Variants in FGF8 observed in about 807,000 individuals in gnomAD.
The protein encoded by FGF8 is androgen-induced growth factor.
FGF8 carries 12 observed loss-of-function variants against 29.7 expected under a neutral mutation model. That is an observed-to-expected ratio of 0.40 (90% CI 0.26 to 0.65). FGF8 has a LOEUF of 0.65. FGF8 is among the 30% of genes least tolerant of loss of function. The pLI is 0.37. For missense variants in FGF8, 271 were observed against 345.1 expected, an observed-to-expected ratio of 0.79 and a Z score of 1.70; for synonymous variants, 157 against 144.4, an observed-to-expected ratio of 1.09 and a Z score of -0.63.
upstream of FGF8, among the ~76,000 whole-genome samples, chr10:101,779,840 C>T (rs1042389074): frequency 1.3e-5 from 2 of 152,236 alleles, no homozygotes; most frequent in Non-Finnish European, 1.5e-5. This position sits in a 1 kb window ranked among gnomAD's most constrained non-coding sequence, Gnocchi z 5.7. Flanking sequence ...GTGAGGGCCA[C>T]AGCCAGACTT....
At chr10:101,778,776 C>G (rs1229945414), upstream of FGF8, among the ~76,000 whole-genome samples, 1 of 152,236 alleles carries the variant, frequency 6.6e-6, no homozygotes, top group East Asian at 1.9e-4. Context: ...ATGCAAATGT[C>G]CCGCCGGGCC....
rs774080225 is a variant in FGF8, at chr10:101,770,505, G to A, written c.559C>T (p.Arg187Trp). The change falls in exon 6 of 6, where the codon CGG becomes TGG. Residue 187 changes from arginine to tryptophan, a missense_variant. Physicochemically the swap from Arg to Trp is moderately radical, Grantham distance 101. Coordinates refer to ENST00000320185, the MANE Select transcript of FGF8 (RefSeq NM_033163.5). ...GWYMAFTRKG[R>W]PRKGSKTRQH... ...CGCGTCTTGGAGCCCTTGCGGGGCC[G>A]GCCCTTGCGGGTGAAGGCCATGTAC... 13 of 1,613,484 alleles carry A rather than the reference G, an allele frequency of 8.1e-6. No individual in the cohort carries two copies. Among genetic ancestry groups the A allele is most frequent in the African/African-American group, 1.3e-5 (1 of 74,938 alleles).
chr10:101,776,385 G>T (rs1474504531), upstream of FGF8, among the ~76,000 whole-genome samples: 1 of 150,952 alleles, frequency 6.6e-6, no homozygotes, highest in African/African-American at 2.4e-5. Flanking sequence ...AGGGGCGGGG[G>T]CGGCCGGTCT....
At chr10:101,776,215 C>G (rs1168181338), upstream of FGF8, 2 of 42,344 alleles carry the variant, frequency 4.7e-5, no homozygotes, top group Non-Finnish European at 4.4e-5. Flanking sequence ...GCACCGGGCG[C>G]GAGGGGGGAG....
Position 101,770,245 on chromosome 10 carries a change from C to A in FGF8, c.*84G>T, listed in dbSNP as rs2134987443. The A allele has an allele frequency of 7.3e-7, 1 of 1,362,040 alleles. No homozygotes were observed. 84.4% of individuals were successfully genotyped at this position (1,362,040 alleles called of 1,614,324 possible). A position where few individuals can be genotyped will look rare whatever the true frequency, so the allele number is the denominator to read the frequency against. On this transcript the variant is annotated 3_prime_UTR_variant, in exon 6 of 6. Transcript: ENST00000320185. ...CACCTCCCCAGCCTGCAGAGCAGCGCACAGCTCATCTTGCTTGAGTTTTGG... is the reference window on the plus strand; with the variant it reads ...CACCTCCCCAGCCTGCAGAGCAGCGAACAGCTCATCTTGCTTGAGTTTTGG...
In FGF8 at chr10:101,775,165, G is replaced by A; in HGVS notation, c.121C>T (p.Arg41Trp). The A allele has an allele frequency of 5.2e-6, 8 of 1,547,470 alleles. No individual in the cohort carries two copies. Among genetic ancestry groups the A allele is most frequent in the Non-Finnish European group, 7.0e-6 (8 of 1,146,088 alleles). Reference protein sequence around the residue: ...ALGRELASLFRAGREPQGVSQ... With the variant: ...ALGRELASLFWAGREPQGVSQ... ...ACACCCTGGGGCTCCCGGCCAGCCC[G>A]GAACAGGGAAGCGAGCTCCCTGCCC... The change falls in exon 3 of 6, where the codon CGG becomes TGG. Residue 41 changes from arginine to tryptophan, a missense_variant. Arg to Trp is a moderately radical substitution (Grantham distance 101). Around this residue, in one of 3 missense-constraint regions of FGF8, gnomAD observed 168 missense variants for 207.0 expected, o/e 0.81. Coordinates refer to ENST00000320185, the MANE Select transcript of FGF8 (RefSeq NM_033163.5). This position sits in a 1 kb window ranked among gnomAD's most constrained non-coding sequence, Gnocchi z 4.6.
In FGF8 at chr10:101,775,392, ACCCGGCTTCC is replaced by A; in HGVS notation, c.70-186_70-177del. The A allele has an allele frequency of 1.6e-6, 1 of 607,668 alleles. No homozygotes were observed. Among genetic ancestry groups the A allele is most frequent in the Admixed American group, 2.8e-5 (1 of 35,366 alleles). 37.6% of individuals were successfully genotyped at this position (607,668 alleles called of 1,614,324 possible). A position where few individuals can be genotyped will look rare whatever the true frequency, so the allele number is the denominator to read the frequency against. ...CGCTGAGAGGGTCTCTGCTGCAGTCACCCGGCTTCCCCTGGCATCGAACATCCATCCCCTG... is the reference window on the plus strand; with the variant it reads ...CGCTGAGAGGGTCTCTGCTGCAGTCACCTGGCATCGAACATCCATCCCCTG... On this transcript the variant is annotated intron_variant, in intron 2 of 5. Transcript: ENST00000320185. The surrounding 1 kb of genome is among the most constrained non-coding windows in gnomAD (Gnocchi z 4.6).
upstream of FGF8, among the ~76,000 whole-genome samples, chr10:101,778,539 G>T (rs2065115229): frequency 6.6e-6 from 1 of 152,216 alleles, no homozygotes; most frequent in East Asian, 1.9e-4. Flanking sequence ...GGATCTGAAG[G>T]GTCCGAGGTC....
chr10:101,777,021 C>G (rs1564633741), upstream of FGF8, among the ~76,000 whole-genome samples: 2 of 152,208 alleles, frequency 1.3e-5, no homozygotes, highest in African/African-American at 4.8e-5. Flanking sequence ...GTAGCTTTTA[C>G]TGGGGGAAGG....
rs11322844 is a variant in FGF8, at chr10:101,770,141, TAAAAAAAAAA to T, written c.*178_*187del. The T allele has an allele frequency of 2.0e-5, 8 of 392,436 alleles. No homozygotes were observed. Among genetic ancestry groups the T allele is most frequent in the Admixed American group, 4.6e-5 (1 of 21,812 alleles). The allele number at this position is 392,436 out of a possible 1,614,324, so 24.3% of individuals were successfully genotyped here. On this transcript the variant is annotated 3_prime_UTR_variant, in exon 6 of 6. Coordinates refer to ENST00000320185, the MANE Select transcript of FGF8 (RefSeq NM_033163.5). ...CAAAAATAGAGCCTCTCTTTTGTTT[TAAAAAAAAAA>T]AAAAAAAAAAAAACAGCAAAAACCC...
intron 5 of FGF8, 34 bp from the exon 6 acceptor site, chr10:101,770,653 AG>A: frequency 1.2e-6 from 2 of 1,601,558 alleles, no homozygotes; most frequent in Non-Finnish European, 1.7e-6. Context: ...CACGTTACAG[AG>A]CCCCCCCAGC....
chr10:101,775,830 C>A lies in FGF8; in HGVS notation c.32+39G>T, dbSNP rs1564633026. 1 of 1,040,906 alleles carries A rather than the reference C, an allele frequency of 9.6e-7. No homozygotes were observed. The highest frequency in any genetic ancestry group is 1.7e-5 in the African/African-American group (1 of 59,032). 64.5% of individuals were successfully genotyped at this position (1,040,906 alleles called of 1,614,324 possible). On this transcript the variant is annotated intron_variant, in intron 1 of 5. Transcript: ENST00000320185. The surrounding 1 kb of genome is among the most constrained non-coding windows in gnomAD (Gnocchi z 4.6). ...AGAGGCGCGGGTGAGGCGAGGGGCG[C>A]GGGGGGCGGGTGGCGGGGCAGGGCG...
At position 101,771,609 on chromosome 10, in the gene FGF8, T is replaced by G. The variant is rs1290911120; in HGVS notation, c.338-40A>C. 6.6e-7 allele frequency: 1 copy of G among 1,521,788 alleles called. No homozygotes were observed. Among genetic ancestry groups the G allele is most frequent in the South Asian group, 1.1e-5 (1 of 89,028 alleles). The allele number at this position is 1,521,788 out of a possible 1,614,324, so 94.3% of individuals were successfully genotyped here. A position where few individuals can be genotyped will look rare whatever the true frequency, so the allele number is the denominator to read the frequency against. The stretch of plus-strand genomic sequence containing the variant: ...AGCAGGATGGCTATTGGCAGATCCC[T>G]GACCCCAGCTGGCCCACACACTTGT... On this transcript the variant is annotated intron_variant, in intron 4 of 5. Transcript: ENST00000320185. This position sits in a 1 kb window ranked among gnomAD's most constrained non-coding sequence, Gnocchi z 5.3.
chr10:101,770,954 C>G (rs949946544), intron 5 of FGF8, among the ~76,000 whole-genome samples: 2 of 152,176 alleles, frequency 1.3e-5, no homozygotes, highest in African/African-American at 4.8e-5. Context: ...CTCTCACCCC[C>G]CCAGGACTTC....
upstream of FGF8, among the ~76,000 whole-genome samples, chr10:101,779,385 C>T (rs919801535): frequency 1.3e-5 from 2 of 152,262 alleles, no homozygotes; most frequent in Admixed American, 6.5e-5. The surrounding 1 kb of genome is among the most constrained non-coding windows in gnomAD (Gnocchi z 5.7). Context: ...ATGCCTTCAT[C>T]CCCCAGGGGT....
At chr10:101,776,292 G>A (rs1198933509), upstream of FGF8, among the ~76,000 whole-genome samples, 2 of 147,108 alleles carry the variant, frequency 1.4e-5, no homozygotes, top group Non-Finnish European at 3.0e-5. Context: ...AGCCCGGGGC[G>A]GGGGCGGGGC....
At chr10:101,773,258 C>T (rs1394533216) in intron 4 of FGF8, among the ~76,000 whole-genome samples, 1 of 152,230 alleles carries the variant, frequency 6.6e-6, no homozygotes, top group Non-Finnish European at 1.5e-5. Context: ...AGCTTGACTT[C>T]TGCTTCCCTC....
chr10:101,775,950 G>A lies in FGF8; in HGVS notation c.-50C>T, dbSNP rs977575976. On this transcript the variant is annotated 5_prime_UTR_variant, in exon 1 of 6. Coordinates refer to ENST00000320185, the MANE Select transcript of FGF8 (RefSeq NM_033163.5). The surrounding 1 kb of genome is among the most constrained non-coding windows in gnomAD (Gnocchi z 4.6). ...AGCCCGGCGGGTCACGCCGTCCCGC[G>A]GGCCGCCGCGGGAGGACGCGCTGAG... 43 of 1,151,362 alleles carry A rather than the reference G, an allele frequency of 3.7e-5. No individual in the cohort carries two copies. The Admixed American group carries it at 4.7e-4, about 13-fold the overall frequency. The allele number at this position is 1,151,362 out of a possible 1,614,324, so 71.3% of individuals were successfully genotyped here.
At position 101,775,097 on chromosome 10, in the gene FGF8, G is replaced by A. The variant is rs1402909353; in HGVS notation, c.156+33C>T. 6 of 1,539,562 alleles carry A rather than the reference G, an allele frequency of 3.9e-6. No homozygotes were observed. Among genetic ancestry groups the A allele is most frequent in the African/African-American group, 1.4e-5 (1 of 72,920 alleles). On this transcript the variant is annotated intron_variant, in intron 3 of 5. Coordinates refer to ENST00000320185, the MANE Select transcript of FGF8 (RefSeq NM_033163.5). This position sits in a 1 kb window ranked among gnomAD's most constrained non-coding sequence, Gnocchi z 4.6. ...CGCAAGTCGGGCAGACCCAGCCCAG[G>A]ATGAACGAGCCCCAGGGAGAAGCTG...
Sources: gnomAD v4.1 joint callset for allele counts (sites outside exome capture counted in the v4.1 genomes callset) on GRCh38, gnomAD v4.1.1 for gene constraint, gnomAD v4.1.1 regional missense constraint, Gnocchi (gnomAD v3.1) non-coding constraint, MANE v1.5 for transcripts, NCBI Gene and HGNC (gene_info 2026-07-23, HGNC 2026-07-21) for gene names.